The following GPM6B variants were observed in gnomAD, a reference collection of about 807,000 sequenced individuals.
GPM6B encodes neuronal membrane glycoprotein M6-b.
In GPM6B, 4 loss-of-function variants were observed where a neutral mutation model predicts 27.2. The ratio of observed to expected loss-of-function variants is 0.15; its 90% confidence interval spans 0.07 to 0.34. The LOEUF is 0.34. Ranked by LOEUF, GPM6B falls within the 10% of genes least tolerant of loss-of-function variation. The probability of loss-of-function intolerance (pLI) is 1.00; values close to 1 mark genes in which losing one functional copy is unlikely to be tolerated. For synonymous variants in GPM6B, 124 were observed against 103.1 expected, an observed-to-expected ratio of 1.20 and a Z score of -1.23; for missense variants, 183 against 261.9, an observed-to-expected ratio of 0.70 and a Z score of 2.08.
chrX:13,902,792 GC>G (rs1673069381), intron 1 of GPM6B, among the ~76,000 whole-genome samples: 1 of 111,567 alleles, frequency 9.0e-6, no homozygotes, highest in Non-Finnish European at 1.9e-5. Flanking sequence ...AGTTACTGGT[GC>G]CCACCAAAGC....
rs34401183 is a variant in GPM6B, at chrX:13,860,438, G to GTTTT, written c.-197-74634_-197-74631dup. Reference sequence around the variant, plus strand: ...AGTCACTACAATCCCAAAACGTGGGGTTTTTTTTTTTTTTTTTGCTCTCAA... The same window carrying GTTTT: ...AGTCACTACAATCCCAAAACGTGGGGTTTTTTTTTTTTTTTTTTTTTGCTCTCAA... On this transcript the variant is annotated intron_variant, in intron 1 of 6. Coordinates refer to the GPM6B transcript ENST00000398361. Among the ~76,000 whole-genome samples the GTTTT allele has an allele frequency of 9.1e-3, 788 of 86,292 alleles. 21 individuals carry two copies. Among genetic ancestry groups the GTTTT allele is most frequent in the African/African-American group, 0.032 (743 of 23,413 alleles). 74.9% of individuals were successfully genotyped at this position (86,292 alleles called of 115,157 possible). A position where few individuals can be genotyped will look rare whatever the true frequency, so the allele number is the denominator to read the frequency against.
chrX:13,929,371 T>A (rs1341773938), intron 1 of GPM6B, among the ~76,000 whole-genome samples: 1 of 110,049 alleles, frequency 9.1e-6, no homozygotes, highest in Non-Finnish European at 1.9e-5. Flanking sequence ...AAGAATGACT[T>A]AGGTGGTCTG....
chrX:13,884,869 G>C (rs2050119510), intron 1 of GPM6B, among the ~76,000 whole-genome samples: 1 of 112,101 alleles, frequency 8.9e-6, no homozygotes, highest in South Asian at 3.8e-4. Flanking sequence ...TCTAGCTTGT[G>C]TAAGTATTTG....
chrX:13,865,160 T>C (rs1437999306), intron 1 of GPM6B, among the ~76,000 whole-genome samples: 1 of 110,679 alleles, frequency 9.0e-6, no homozygotes, highest in African/African-American at 3.3e-5. Context: ...GATTGCATAG[T>C]GAAAAAGCTG....
At chrX:13,790,557 T>C (rs960154612) in intron 2 of GPM6B, among the ~76,000 whole-genome samples, 2 of 111,756 alleles carry the variant, frequency 1.8e-5, no homozygotes, top group Non-Finnish European at 3.8e-5. Flanking sequence ...TGTGGCATCC[T>C]GAGTCTGTTT....
chrX:13,922,924 C>T (rs1921003552), intron 1 of GPM6B, among the ~76,000 whole-genome samples: 1 of 111,918 alleles, frequency 8.9e-6, no homozygotes, highest in Non-Finnish European at 1.9e-5. Flanking sequence ...GCCTGTAATC[C>T]CAGCACTTTG....
intron 1 of GPM6B, among the ~76,000 whole-genome samples, chrX:13,832,744 CTAAA>C (rs1181345251): frequency 8.9e-6 from 1 of 111,745 alleles, no homozygotes; most frequent in African/African-American, 3.3e-5. Flanking sequence ...CTTTAATCCA[CTAAA>C]TAGTCAGTGG....
chrX:13,805,689 A>G lies in GPM6B; in HGVS notation c.181+1961T>C, dbSNP rs946046587. Among the ~76,000 whole-genome samples the G allele has an allele frequency of 7.1e-5, 8 of 112,455 alleles. No homozygotes were observed. The South Asian group carries it at 2.6e-3, about 36-fold the overall frequency. ...AGGGAACTGCTCAACAAGTGGAGAA[A>G]ACTCTTCAAGAGCAATTGATAGAGG... On this transcript the variant is annotated intron_variant, in intron 2 of 7. Coordinates refer to ENST00000316715, the MANE Select transcript of GPM6B (RefSeq NM_001001995.3).
chrX:13,928,239 T>G (rs768152266), intron 1 of GPM6B, among the ~76,000 whole-genome samples: 1 of 112,336 alleles, frequency 8.9e-6, no homozygotes, highest in Non-Finnish European at 1.9e-5. Context: ...GCTGGTAATA[T>G]TCTGCTTATT....
In GPM6B at chrX:13,906,579, A is replaced by G. The variant is rs193223453; in HGVS notation, c.-198+31748T>C. Among the ~76,000 whole-genome samples the G allele has an allele frequency of 4.5e-5, 5 of 112,184 alleles. No individual in the cohort carries two copies. The East Asian group carries it at 1.4e-3, about 31-fold the overall frequency. On this transcript the variant is annotated intron_variant, in intron 1 of 6. Coordinates refer to the GPM6B transcript ENST00000398361. The stretch of plus-strand genomic sequence containing the variant: ...ATGAAATTTTAAACTCAATGGATGT[A>G]CTCTATATCACTCATGTTGTAACTC...
intron 2 of GPM6B, among the ~76,000 whole-genome samples, chrX:13,796,167 C>T (rs6633347): frequency 0.04 from 4,402 of 110,634 alleles, 111 homozygotes; most frequent in East Asian, 0.19. Context: ...TCAGGTGATC[C>T]GCCCACCTCG....
At chrX:13,907,873 C>T (rs938944452) in intron 1 of GPM6B, among the ~76,000 whole-genome samples, 1 of 112,115 alleles carries the variant, frequency 8.9e-6, no homozygotes, top group African/African-American at 3.2e-5. Context: ...ATTATAACAG[C>T]TTCTCCGCTT....
chrX:13,830,852 T>C (rs1051565188), intron 1 of GPM6B, among the ~76,000 whole-genome samples: 1 of 111,504 alleles, frequency 9.0e-6, no homozygotes, highest in Non-Finnish European at 1.9e-5. Context: ...ACAACTGGCC[T>C]GCATTTTCAT....
intron 1 of GPM6B, among the ~76,000 whole-genome samples, chrX:13,852,887 C>T (rs1569260672): frequency 3.7e-5 from 4 of 108,469 alleles, no homozygotes; most frequent in African/African-American, 1.4e-4. Context: ...CTCAAGTGAT[C>T]CTCCCGCCTC....
intron 1 of GPM6B, among the ~76,000 whole-genome samples, chrX:13,917,791 C>T (rs1179873910): frequency 8.9e-6 from 1 of 112,215 alleles, no homozygotes; most frequent in African/African-American, 3.2e-5. Flanking sequence ...TGTGACACAA[C>T]TCATGGTTTT....
Position 13,809,611 on chromosome X carries a change from AC to A in GPM6B, c.62-1843del, listed in dbSNP as rs1455070782. 4.5e-5 allele frequency among the ~76,000 whole-genome samples: 5 copies of A among 110,066 alleles called. No individual in the cohort carries two copies. In the East Asian group the frequency reaches 8.4e-4, roughly 19 times the overall value. Reference sequence around the variant, plus strand: ...GCCAACATGGTGAAACTCTGTCTGTACTAAAAATAAAAAAAATATATAAAAA... The same window carrying A: ...GCCAACATGGTGAAACTCTGTCTGTATAAAAATAAAAAAAATATATAAAAA... On this transcript the variant is annotated intron_variant, in intron 1 of 7. Transcript: ENST00000316715.
At chrX:13,811,037 G>A (rs1303959585) in intron 1 of GPM6B, among the ~76,000 whole-genome samples, 1 of 112,444 alleles carries the variant, frequency 8.9e-6, no homozygotes. Flanking sequence ...GATTCCAAGA[G>A]GATGCCTTGG....
intron 1 of GPM6B, among the ~76,000 whole-genome samples, chrX:13,825,404 A>G (rs2147210118): frequency 8.9e-6 from 1 of 112,352 alleles, no homozygotes; most frequent in South Asian, 3.7e-4. Flanking sequence ...GGTACAGAGG[A>G]GAAAACCTTT....
chrX:13,894,712 T>G (rs1427467027), intron 1 of GPM6B, among the ~76,000 whole-genome samples: 1 of 112,680 alleles, frequency 8.9e-6, no homozygotes, highest in Non-Finnish European at 1.9e-5. Context: ...ATCAAACAGT[T>G]GGTTAAAAAT....
Sources: gnomAD v4.1 joint callset for allele counts (sites outside exome capture counted in the v4.1 genomes callset) on GRCh38, gnomAD v4.1.1 for gene constraint, MANE v1.5 for transcripts, NCBI Gene and HGNC (gene_info 2026-07-23, HGNC 2026-07-21) for gene names.